The following NISCH variants were observed in gnomAD, a reference collection of about 807,000 sequenced individuals.
The protein encoded by NISCH is nischarin.
In NISCH, 55 loss-of-function variants were observed where a neutral mutation model predicts 138.4. The observed-to-expected ratio is 0.40, with a 90% CI of 0.32 to 0.50. The LOEUF (loss-of-function observed/expected upper bound fraction) is 0.50. NISCH is among the 20% of genes least tolerant of loss of function. The pLI, the probability that NISCH is intolerant of heterozygous loss-of-function variation, is 0.71. For synonymous variants in NISCH, 860 were observed against 861.5 expected (o/e 1.00, Z 0.03); for missense variants, 1,643 against 2,005.5 (o/e 0.82, Z 3.45).
intron 18 of NISCH, 35 bp downstream of exon 18, chr3:52,490,266 G>A (rs1414843565): frequency 1.2e-6 from 2 of 1,606,398 alleles, no homozygotes; most frequent in Non-Finnish European, 1.7e-6. Context: ...CAGGAGCTTG[G>A]AGTGTGTGGT....
chr3:52,480,090 G>A (rs1707224133), intron 12 of NISCH, 94 bp from the exon 13 acceptor site: 3 of 1,394,682 alleles, frequency 2.2e-6, no homozygotes, highest in African/African-American at 2.8e-5. Flanking sequence ...CACCCAGTTG[G>A]TGGGAACCGT....
At chr3:52,457,730 GA>G in intron 1 of NISCH, 112 bp from the exon 2 acceptor site, 1 of 871,876 alleles carries the variant, frequency 1.1e-6, no homozygotes, top group East Asian at 2.5e-5. Context: ...GTTGCAGAGA[GA>G]AAGACTGATA....
In NISCH at chr3:52,472,099, C is replaced by T. The variant is rs1001556320; in HGVS notation, c.573+122C>T. 16 of 1,144,566 alleles carry T rather than the reference C, an allele frequency of 1.4e-5. No individual in the cohort carries two copies. The African/African-American group carries it at 2.5e-4, about 18-fold the overall frequency. The allele number at this position is 1,144,566 out of a possible 1,614,324, so 70.9% of individuals were successfully genotyped here. A position where few individuals can be genotyped will look rare whatever the true frequency, so the allele number is the denominator to read the frequency against. On this transcript the variant is annotated intron_variant, in intron 5 of 20. Transcript: ENST00000345716. ...GGGACTGTTGGTGGAAGGAAGGCCGCCCGGTTATTCTTGGCACTATGCTTC... is the reference window on the plus strand; with the variant it reads ...GGGACTGTTGGTGGAAGGAAGGCCGTCCGGTTATTCTTGGCACTATGCTTC...
chr3:52,490,074 G>A lies in NISCH; in HGVS notation c.3457-1G>A. ...GCTGACAGGAGGCCCCCCGTCTTCAGGTTGAAAACGAGGAGCTGAGGCACC... is the reference window on the plus strand; with the variant it reads ...GCTGACAGGAGGCCCCCCGTCTTCAAGTTGAAAACGAGGAGCTGAGGCACC... On this transcript the variant is annotated splice_acceptor_variant, in intron 17 of 20. Transcript: ENST00000345716. LOFTEE classifies it high-confidence loss of function. The A allele has an allele frequency of 6.2e-7, 1 of 1,613,538 alleles. No individual in the cohort carries two copies. The highest frequency in any genetic ancestry group is 2.2e-5 in the East Asian group (1 of 44,878).
intron 3 of NISCH, among the ~76,000 whole-genome samples, chr3:52,469,440 C>A (rs552459083): frequency 6.6e-6 from 1 of 152,188 alleles, no homozygotes; most frequent in African/African-American, 2.4e-5. Context: ...TTGTCCACCT[C>A]AGGTTGTTCA....
chr3:52,458,938 G>C, intron 3 of NISCH, 94 bp downstream of exon 3: 1 of 1,129,720 alleles, frequency 8.9e-7, no homozygotes, highest in Non-Finnish European at 1.3e-6. Context: ...TTTGAGGTGG[G>C]CTGGGGTTTG....
At chr3:52,476,936 T>C (rs1026376352) in intron 8 of NISCH, among the ~76,000 whole-genome samples, 7 of 151,958 alleles carry the variant, frequency 4.6e-5, no homozygotes, top group Non-Finnish European at 8.8e-5. Flanking sequence ...TTGGGAGGCT[T>C]AGGCAGGAGA....
At chr3:52,475,476 C>A (rs1707074301) in intron 7 of NISCH, 3 of 152,336 alleles carry the variant, frequency 2.0e-5, no homozygotes, top group Admixed American at 2.0e-4. Context: ...GTGAGGACCA[C>A]ATCATCAGCT....
At chr3:52,475,010 G>C (rs1707059252) in intron 7 of NISCH, among the ~76,000 whole-genome samples, 1 of 152,012 alleles carries the variant, frequency 6.6e-6, no homozygotes, top group Non-Finnish European at 1.5e-5. Flanking sequence ...TCTTTCCCTG[G>C]GTATAGAAAA....
At chr3:52,485,592 C>A (rs369552981) in intron 14 of NISCH, among the ~76,000 whole-genome samples, 186 bp from the exon 15 acceptor site, 13 of 152,012 alleles carry the variant, frequency 8.6e-5, no homozygotes, top group African/African-American at 3.2e-4. Context: ...CCAAGTGGGT[C>A]TCTGCCCTTG....
chr3:52,487,786 A>C lies in NISCH; in HGVS notation c.2294A>C (p.His765Pro). 5 of 1,613,286 alleles carry C rather than the reference A, an allele frequency of 3.1e-6. No homozygotes were observed. In the South Asian group the frequency reaches 5.5e-5, roughly 18 times the overall value. Residue 765 changes from histidine to proline, a missense_variant, in exon 16 of 21, where the codon CAT (histidine) becomes CCT (proline). Physicochemically the swap from His to Pro is moderately conservative, Grantham distance 77 (BLOSUM62 -2). Coordinates refer to ENST00000345716, the MANE Select transcript of NISCH (RefSeq NM_007184.4). This position sits in a 1 kb window ranked among gnomAD's most constrained non-coding sequence, Gnocchi z 9.1. ...CTGCGCTTTGTCTTTTGCTTCCCGC[A>C]TGGCGACCTCACCGAGTTTGGCTTC... ...SSLRFVFCFP[H>P]GDLTEFGFLM...
chr3:52,489,474 T>C lies in NISCH; in HGVS notation c.3252T>C (p.Ala1084=), dbSNP rs1162653966. Residue 1084 remains alanine, a synonymous_variant, in exon 17 of 21, where the codon GCT becomes GCC. Coordinates refer to ENST00000345716, the MANE Select transcript of NISCH (RefSeq NM_007184.4). The part of the protein sequence containing the change: ...TPAPAEASTS[A]LVPEETPVEA... ...CCCCAGCAGAGGCCTCAACTTCAGC[T>C]TTGGTCCCAGAGGAGACGCCAGTGG... 1 of 1,607,070 alleles carries C rather than the reference T, an allele frequency of 6.2e-7. No homozygotes were observed. The highest frequency in any genetic ancestry group is 2.2e-5 in the East Asian group (1 of 44,816).
chr3:52,484,223 CTG>C (rs1707349584), intron 13 of NISCH: 4 of 358,020 alleles, frequency 1.1e-5, no homozygotes, highest in African/African-American at 2.0e-5. Context: ...AAAAATGTGT[CTG>C]TGGAAGTTTA....
intron 17 of NISCH, 34 bp from the exon 18 acceptor site, chr3:52,490,041 G>A (rs370454505): frequency 2.5e-5 from 41 of 1,612,410 alleles, no homozygotes; most frequent in Non-Finnish European, 3.2e-5. Flanking sequence ...GGTTGCTAGG[G>A]TGGTGGAGCT....
At chr3:52,483,631 G>T (rs541488435) in intron 13 of NISCH, among the ~76,000 whole-genome samples, 1 of 152,234 alleles carries the variant, frequency 6.6e-6, no homozygotes, top group Non-Finnish European at 1.5e-5. Context: ...GGCACGTCCT[G>T]TGGTAAGTGG....
chr3:52,484,524 G>A lies in NISCH; in HGVS notation c.1540G>A (p.Val514Ile), dbSNP rs758175392. 1.5e-5 allele frequency: 22 copies of A among 1,506,186 alleles called. No homozygotes were observed. The highest frequency in any genetic ancestry group is 9.6e-5 in the Admixed American group (5 of 51,976). The allele number at this position is 1,506,186 out of a possible 1,614,324, so 93.3% of individuals were successfully genotyped here. A position where few individuals can be genotyped will look rare whatever the true frequency, so the allele number is the denominator to read the frequency against. ...PILSNQGIMF[V>I]QEEALASSLS... ...CCTGGTCTCTCCAGGAATCATGTTCGTTCAGGAGGAGGCCCTGGCCAGCAG... is the reference window on the plus strand; with the variant it reads ...CCTGGTCTCTCCAGGAATCATGTTCATTCAGGAGGAGGCCCTGGCCAGCAG... The change falls in exon 14 of 21, where the codon GTT (valine) becomes ATT (isoleucine). Residue 514 changes from valine (V) to isoleucine (I), a missense_variant. Coordinates refer to ENST00000345716, the MANE Select transcript of NISCH (RefSeq NM_007184.4).
In NISCH at chr3:52,480,605, C is replaced by T. The variant is rs1037030133; in HGVS notation, c.1528+310C>T. 17 of 1,429,754 alleles carry T rather than the reference C, an allele frequency of 1.2e-5. No individual in the cohort carries two copies. In the African/African-American group the frequency reaches 1.9e-4, roughly 16 times the overall value. The allele number at this position is 1,429,754 out of a possible 1,614,324, so 88.6% of individuals were successfully genotyped here. The stretch of plus-strand genomic sequence containing the variant: ...CTGAACAGGCTCGGGGCTGTTGGCT[C>T]ATGGGACCCATTCCCTCACCGGCAG... On this transcript the variant is annotated intron_variant, in intron 13 of 20. Transcript: ENST00000345716.
intron 3 of NISCH, among the ~76,000 whole-genome samples, chr3:52,461,281 A>G (rs1262193465): frequency 1.1e-4 from 16 of 152,196 alleles, no homozygotes; most frequent in Admixed American, 1.0e-3. Context: ...AACTCTTTTC[A>G]GAGTAAGACA....
intron 13 of NISCH, among the ~76,000 whole-genome samples, chr3:52,482,444 G>T (rs140642470): frequency 6.6e-6 from 1 of 152,222 alleles, no homozygotes; most frequent in Non-Finnish European, 1.5e-5. Context: ...AGAGGAGGCT[G>T]TGTGGAGAGG....
Sources: allele counts gnomAD v4.1 joint callset (sites outside exome capture counted in the v4.1 genomes callset), GRCh38; gene constraint gnomAD v4.1.1; non-coding constraint Gnocchi (gnomAD v3.1); transcripts MANE v1.5; gene names NCBI Gene and HGNC (gene_info 2026-07-23, HGNC 2026-07-21).